The following EMB variants were observed in gnomAD, a reference collection of about 807,000 sequenced individuals.
EMB encodes embigin, also known as embigin homolog.
EMB carries 31 observed loss-of-function variants against 41.4 expected under a neutral mutation model. The ratio of observed to expected loss-of-function variants is 0.75; its 90% CI spans 0.56 to 1.01. EMB has a LOEUF of 1.01. Ranked by LOEUF, EMB falls within the 50% of genes least tolerant of loss-of-function variation. The pLI is 0.00. For missense variants in EMB, 379 were observed against 388.3 expected (o/e 0.98, Z 0.20); for synonymous variants, 137 against 140.4 (o/e 0.98, Z 0.17).
At chr5:50,430,033 A>T (rs1745691399) in intron 1 of EMB, among the ~76,000 whole-genome samples, 1 of 151,662 alleles carries the variant, frequency 6.6e-6, no homozygotes, top group Non-Finnish European at 1.5e-5. Flanking sequence ...ACAAACACAC[A>T]TATACACACT....
In EMB at chr5:50,428,244, A is replaced by G; in HGVS notation, c.113-17T>C. 6.5e-7 allele frequency: 1 copy of G among 1,535,338 alleles called. No homozygotes were observed. Among genetic ancestry groups the G allele is most frequent in the Non-Finnish European group, 9.0e-7 (1 of 1,110,192 alleles). On this transcript the variant is annotated splice_polypyrimidine_tract_variant and intron_variant, in intron 1 of 8. Transcript: ENST00000303221. ...AAGGCGAATCTATAAGAGAAAGAAC[A>G]CATGATTACACACTCTTATCAAGAG...
intron 5 of EMB, among the ~76,000 whole-genome samples, chr5:50,405,449 C>A (rs1461631647): frequency 4.6e-5 from 7 of 151,788 alleles, no homozygotes; most frequent in African/African-American, 7.3e-5. Context: ...AATGTAATTT[C>A]TTTTCAAAGA....
chr5:50,442,406 T>C (rs1745929304), upstream of EMB, among the ~76,000 whole-genome samples: 1 of 152,174 alleles, frequency 6.6e-6, no homozygotes, highest in Admixed American at 6.5e-5. Context: ...TGAGATAATA[T>C]GAATAATACA....
At chr5:50,429,929 T>C (rs1745684799) in intron 1 of EMB, among the ~76,000 whole-genome samples, 1 of 150,342 alleles carries the variant, frequency 6.7e-6, no homozygotes, top group African/African-American at 2.5e-5. Flanking sequence ...TTCACCCCTT[T>C]TCTCTCTTCC....
intron 2 of EMB, among the ~76,000 whole-genome samples, chr5:50,426,005 A>T (rs1423302689): frequency 6.6e-6 from 1 of 152,208 alleles, no homozygotes; most frequent in East Asian, 1.9e-4. Context: ...TTACTAAATA[A>T]GCCTAGAAAT....
At chr5:50,403,504 T>TA (rs1168966381) in intron 5 of EMB, 50 bp from the exon 6 acceptor site, 2 of 1,570,190 alleles carry the variant, frequency 1.3e-6, no homozygotes, top group African/African-American at 2.7e-5. Context: ...ACATAAAAGA[T>TA]ACATGACATA....
intron 5 of EMB, among the ~76,000 whole-genome samples, chr5:50,403,819 C>A (rs1378382193): frequency 6.6e-6 from 1 of 151,938 alleles, no homozygotes; most frequent in African/African-American, 2.4e-5. Context: ...TTTTCCTTCA[C>A]AAGCACAGGC....
At chr5:50,401,118 G>A (rs1185064115) in intron 7 of EMB, among the ~76,000 whole-genome samples, 3 of 152,056 alleles carry the variant, frequency 2.0e-5, no homozygotes, top group Non-Finnish European at 4.4e-5. Flanking sequence ...TCCAGAAAGA[G>A]AAGGGATTCT....
At chr5:50,402,053 A>C (rs1745170988) in intron 7 of EMB, among the ~76,000 whole-genome samples, 1 of 151,932 alleles carries the variant, frequency 6.6e-6, no homozygotes, top group Non-Finnish European at 1.5e-5. Context: ...ACTATTATTA[A>C]ATCCATTTTG....
rs542987351 is a variant in EMB at position 50,440,933 on chromosome 5, T to C, written c.112+107A>G. On this transcript the variant is annotated intron_variant, in intron 1 of 8. Transcript: ENST00000303221. ...CCGCCCTTACCAGCATCCCCGCGCC[T>C]CTCCCCGCCACCCTTGCCCGGCGCG... The C allele has an allele frequency of 1.1e-4, 80 of 753,592 alleles. No homozygotes were observed. In the South Asian group the frequency reaches 2.9e-3, roughly 27 times the overall value. The allele number at this position is 753,592 out of a possible 1,614,324, so 46.7% of individuals were successfully genotyped here. A position where few individuals can be genotyped will look rare whatever the true frequency, so the allele number is the denominator to read the frequency against.
At chr5:50,413,805 T>C (rs1232929540) in intron 2 of EMB, among the ~76,000 whole-genome samples, 1 of 152,140 alleles carries the variant, frequency 6.6e-6, no homozygotes, top group African/African-American at 2.4e-5. Flanking sequence ...CTCAAACTCC[T>C]GACCTCAGGC....
chr5:50,424,501 T>A (rs528853261), intron 2 of EMB, among the ~76,000 whole-genome samples: 2 of 152,256 alleles, frequency 1.3e-5, no homozygotes, highest in Admixed American at 1.3e-4. Flanking sequence ...ACTTACAGAG[T>A]GTGAGGTCCT....
rs556117002 is a variant in EMB at position 50,429,137 on chromosome 5, G to A, written c.113-910C>T. 1.2e-3 allele frequency among the ~76,000 whole-genome samples: 183 copies of A among 152,112 alleles called. 1 individual carries two copies. Among genetic ancestry groups the A allele is most frequent in the African/African-American group, 4.0e-3 (167 of 41,496 alleles). ...TCTCAATCTCTTAACCTCGTGATCC[G>A]CCCGCCTCGGCCTCCCGAAGTACTG... On this transcript the variant is annotated intron_variant, in intron 1 of 8. Coordinates refer to ENST00000303221, the MANE Select transcript of EMB (RefSeq NM_198449.3).
rs141580225 is a variant in EMB at position 50,435,946 on chromosome 5, G to A, written c.112+5094C>T. Among the ~76,000 whole-genome samples the A allele has an allele frequency of 9.8e-4, 149 of 152,092 alleles. 2 individuals carry two copies. The highest frequency in any genetic ancestry group is 6.8e-3 in the Middle Eastern group (2 of 294). On this transcript the variant is annotated intron_variant, in intron 1 of 8. Transcript: ENST00000303221. ...TTTGACATGACTCATTATCCTTTGA[G>A]CACTCCATTGCTTTCTGGCACAAGA...
chr5:50,438,069 G>T (rs964784564), intron 1 of EMB, among the ~76,000 whole-genome samples: 1 of 152,124 alleles, frequency 6.6e-6, no homozygotes, highest in Non-Finnish European at 1.5e-5. Flanking sequence ...CATAGGCTAT[G>T]CTGTCAGTAG....
Position 50,419,378 on chromosome 5 carries a change from A to C in EMB, c.197-7995T>G, listed in dbSNP as rs1745478913. ...ATATCCACTTCAATATAATGGAAGA[A>C]AGGAACAGCAAATGACAATGTCATA... is the stretch of plus-strand genomic sequence containing the variant. On this transcript the variant is annotated intron_variant, in intron 2 of 8. Coordinates refer to ENST00000303221, the MANE Select transcript of EMB (RefSeq NM_198449.3). Among the ~76,000 whole-genome samples the C allele has an allele frequency of 2.6e-5, 4 of 152,324 alleles. No individual in the cohort carries two copies. The South Asian group carries it at 8.3e-4, about 32-fold the overall frequency.
intron 1 of EMB, chr5:50,428,595 A>G (rs1330179623): frequency 1.0e-6 from 1 of 990,300 alleles, no homozygotes; most frequent in African/African-American, 1.7e-5. Flanking sequence ...AGAGGCAGAG[A>G]GAGAAGATGA....
At chr5:50,401,084 A>G (rs1180357966) in intron 7 of EMB, among the ~76,000 whole-genome samples, 2 of 152,076 alleles carry the variant, frequency 1.3e-5, no homozygotes, top group African/African-American at 4.8e-5. Flanking sequence ...AGTTCAAATC[A>G]ACATAAATAA....
At chr5:50,405,246 A>C (rs1745229057) in intron 5 of EMB, among the ~76,000 whole-genome samples, 1 of 151,948 alleles carries the variant, frequency 6.6e-6, no homozygotes, top group Non-Finnish European at 1.5e-5. Context: ...ATAGAACCTA[A>C]GATGTAAGAT....
Sources: gnomAD v4.1 joint callset for allele counts (sites outside exome capture counted in the v4.1 genomes callset) on GRCh38, gnomAD v4.1.1 for gene constraint, MANE v1.5 for transcripts, NCBI Gene and HGNC (gene_info 2026-07-23, HGNC 2026-07-21) for gene names.